UBE2U: variants seen among roughly 807,000 people sequenced by gnomAD.
The protein encoded by UBE2U is ubiquitin-conjugating enzyme E2 U.
In UBE2U, 39 loss-of-function variants were observed where a neutral mutation model predicts 41.2. The observed-to-expected ratio is 0.95, with a 90% confidence interval of 0.73 to 1.24. The LOEUF is 1.24. Among genes scored for constraint, UBE2U ranks in the 50% most tolerant of loss-of-function variants. UBE2U has a pLI of 0.00. For missense variants in UBE2U, 336 were observed against 363.1 expected, an observed-to-expected ratio of 0.93 and a Z score of 0.61; for synonymous variants, 107 against 117.8, an observed-to-expected ratio of 0.91 and a Z score of 0.60.
At chr1:64,233,478 G>C (rs1297230036) in intron 7 of UBE2U, among the ~76,000 whole-genome samples, 3 of 152,146 alleles carry the variant, frequency 2.0e-5, no homozygotes, top group South Asian at 2.1e-4. Context: ...TAGTCAATTG[G>C]AGGAATAACA....
chr1:64,240,231 A>G (rs1015665960), intron 7 of UBE2U, among the ~76,000 whole-genome samples: 1 of 152,180 alleles, frequency 6.6e-6, no homozygotes, highest in Non-Finnish European at 1.5e-5. Context: ...AAACCAATTC[A>G]AGGTCCTGAT....
chr1:64,254,213 T>C (rs574644188), intron 8 of UBE2U, among the ~76,000 whole-genome samples: 1 of 152,260 alleles, frequency 6.6e-6, no homozygotes, highest in South Asian at 2.1e-4. Flanking sequence ...GAGCTAATTA[T>C]CCTAAATATA....
At chr1:64,239,175 G>GAAGAAGA (rs1644781485) in intron 7 of UBE2U, among the ~76,000 whole-genome samples, 3 of 95,452 alleles carry the variant, frequency 3.1e-5, no homozygotes, top group African/African-American at 1.4e-4. Flanking sequence ...AGAAGAAGAA[G>GAAGAAGA]AAGAAGAAGA....
chr1:64,219,602 T>A (rs1273285815), intron 5 of UBE2U, among the ~76,000 whole-genome samples: 1 of 151,708 alleles, frequency 6.6e-6, no homozygotes, highest in African/African-American at 2.4e-5. Flanking sequence ...TTTTTTTTTT[T>A]TAGACGGAGT....
chr1:64,221,980 G>A lies in UBE2U; in HGVS notation c.506+1073G>A, dbSNP rs573791943. ...CAGCCACCTGTAGTCCCAGCTACTC[G>A]GGAGGCTGAGGCAGGAGAATGGTGT... On this transcript the variant is annotated intron_variant, in intron 6 of 9. Coordinates refer to ENST00000371077, the MANE Select transcript of UBE2U (RefSeq NM_001366232.2). 2.0e-3 allele frequency among the ~76,000 whole-genome samples: 304 copies of A among 151,858 alleles called. 1 individual carries two copies. The highest frequency in any genetic ancestry group is 2.9e-3 in the Non-Finnish European group (195 of 67,938).
intron 3 of UBE2U, among the ~76,000 whole-genome samples, chr1:64,208,157 T>C (rs915542967): frequency 1.3e-5 from 2 of 152,198 alleles, no homozygotes; most frequent in African/African-American, 4.8e-5. Context: ...GGGCAGACAT[T>C]GTTCCTCTGA....
intron 4 of UBE2U, 36 bp downstream of exon 4, chr1:64,210,875 C>T: frequency 7.1e-7 from 1 of 1,405,648 alleles, no homozygotes; most frequent in Non-Finnish European, 9.8e-7. Flanking sequence ...CTCTTTAATA[C>T]TTTTAATTAC....
chr1:64,231,377 A>C (rs1644562777), intron 6 of UBE2U, among the ~76,000 whole-genome samples: 1 of 152,234 alleles, frequency 6.6e-6, no homozygotes, highest in Non-Finnish European at 1.5e-5. Flanking sequence ...TGCAGGAGAT[A>C]TAATGCAGCC....
chr1:64,231,510 A>C (rs1429498640), intron 6 of UBE2U, among the ~76,000 whole-genome samples: 1 of 152,226 alleles, frequency 6.6e-6, no homozygotes, highest in African/African-American at 2.4e-5. Flanking sequence ...AATAGTAATG[A>C]TTAATTTATC....
intron 6 of UBE2U, among the ~76,000 whole-genome samples, chr1:64,231,278 C>T (rs891798734): frequency 5.9e-5 from 9 of 151,976 alleles, no homozygotes; most frequent in South Asian, 2.1e-4. Context: ...TTTTTTTTCA[C>T]GAGACAGTGT....
At chr1:64,233,542 G>T (rs1366098675) in intron 7 of UBE2U, among the ~76,000 whole-genome samples, 1 of 152,134 alleles carries the variant, frequency 6.6e-6, no homozygotes, top group Non-Finnish European at 1.5e-5. Context: ...CCAGAGAAAA[G>T]CTTTCACACC....
At chr1:64,237,566 T>C (rs1644693074) in intron 7 of UBE2U, among the ~76,000 whole-genome samples, 1 of 152,212 alleles carries the variant, frequency 6.6e-6, no homozygotes, top group Admixed American at 6.5e-5. Context: ...ATCAGTGTCA[T>C]TCGTTGAGCA....
In UBE2U at chr1:64,221,025, A is replaced by G. The variant is rs1439390257; in HGVS notation, c.506+118A>G. The G allele has an allele frequency of 6.1e-6, 4 of 652,202 alleles. No homozygotes were observed. In the African/African-American group the frequency reaches 7.7e-5, roughly 13 times the overall value. The allele number at this position is 652,202 out of a possible 1,614,324, so 40.4% of individuals were successfully genotyped here. A position where few individuals can be genotyped will look rare whatever the true frequency, so the allele number is the denominator to read the frequency against. On this transcript the variant is annotated intron_variant, in intron 6 of 9. Coordinates refer to ENST00000371077, the MANE Select transcript of UBE2U (RefSeq NM_001366232.2). ...GTTTTTAATTTAGAAACATCTTATA[A>G]TATCTTTTTAAAATATTGTTTTCAG...
intron 9 of UBE2U, among the ~76,000 whole-genome samples, chr1:64,263,170 T>C (rs1645205413): frequency 6.6e-6 from 1 of 152,164 alleles, no homozygotes; most frequent in Non-Finnish European, 1.5e-5. Context: ...CTCCTTTCTG[T>C]CTACTCTGGA....
intron 8 of UBE2U, among the ~76,000 whole-genome samples, chr1:64,242,405 C>G (rs1644851175): frequency 6.6e-6 from 1 of 152,036 alleles, no homozygotes; most frequent in African/African-American, 2.4e-5. Flanking sequence ...TTCCAAGGTA[C>G]TCTGAGTGTG....
At chr1:64,253,499 T>G (rs1055423331) in intron 8 of UBE2U, among the ~76,000 whole-genome samples, 8 of 152,110 alleles carry the variant, frequency 5.3e-5, no homozygotes, top group Admixed American at 3.3e-4. Context: ...GAAAAAATGT[T>G]CAGGGAAGAC....
At position 64,206,821 on chromosome 1, in the gene UBE2U, T is replaced by C; in HGVS notation, c.206T>C (p.Val69Ala). ...TCGGAGTACAACTATGCTCCTCCAG[T>C]TGTGAAATTTATAACAATTCCGTTT... ...FTSEYNYAPP[V>A]VKFITIPFHP... Residue 69 changes from valine to alanine, a missense_variant, in exon 3 of 10, where the codon GTT (valine) becomes GCT (alanine). Val to Ala is a moderately conservative substitution (Grantham distance 64). Coordinates refer to ENST00000371077, the MANE Select transcript of UBE2U (RefSeq NM_001366232.2). The C allele has an allele frequency of 1.2e-6, 2 of 1,606,728 alleles. No homozygotes were observed. Among genetic ancestry groups the C allele is most frequent in the Non-Finnish European group, 1.7e-6 (2 of 1,175,084 alleles).
chr1:64,231,800 T>G (rs539590431), intron 6 of UBE2U, among the ~76,000 whole-genome samples: 3 of 152,358 alleles, frequency 2.0e-5, no homozygotes, highest in South Asian at 2.1e-4. Context: ...TAAGGCATAT[T>G]GCACTGGATG....
intron 5 of UBE2U, chr1:64,215,412 C>T (rs1400509637): frequency 6.5e-6 from 1 of 153,306 alleles, no homozygotes; most frequent in Admixed American, 6.4e-5. Context: ...TTTGTGAAAC[C>T]AATCAGTGTG....
Sources: allele counts gnomAD v4.1 joint callset (sites outside exome capture counted in the v4.1 genomes callset), GRCh38; gene constraint gnomAD v4.1.1; transcripts MANE v1.5; gene names NCBI Gene and HGNC (gene_info 2026-07-23, HGNC 2026-07-21).